KLHL42: variants seen among roughly 807,000 people sequenced by gnomAD.
KLHL42 encodes the protein kelch-like protein 42.
A neutral mutation model predicts 32.7 loss-of-function variants in KLHL42; 27 were observed. That is an observed-to-expected ratio of 0.83 (90% CI 0.61 to 1.14). The LOEUF is 1.14. KLHL42 is among the 50% of genes most tolerant of loss of function. The probability of loss-of-function intolerance (pLI) is 0.00; values close to 1 mark genes in which losing one functional copy is unlikely to be tolerated. For synonymous variants in KLHL42, 267 were observed against 248.2 expected (o/e 1.08, Z -0.71); for missense variants, 491 against 560.8 (o/e 0.88, Z 1.26).
chr12:27,796,936 C>T (rs2062221404), intron 2 of KLHL42, among the ~76,000 whole-genome samples: 1 of 152,054 alleles, frequency 6.6e-6, no homozygotes, highest in South Asian at 2.1e-4. Context: ...CCATGCTTGG[C>T]CGAAAATCAT....
intron 2 of KLHL42, among the ~76,000 whole-genome samples, chr12:27,793,793 C>T (rs773885972): frequency 7.9e-5 from 12 of 152,114 alleles, no homozygotes; most frequent in Non-Finnish European, 1.6e-4. Context: ...GTAGACCTGC[C>T]GTTTTATTTG....
At chr12:27,790,977 C>CT (rs1403878671) in intron 1 of KLHL42, among the ~76,000 whole-genome samples, 4 of 152,238 alleles carry the variant, frequency 2.6e-5, no homozygotes, top group African/African-American at 9.6e-5. Context: ...AGGAGACTCT[C>CT]TTGAGCCCAG....
Position 27,799,859 on chromosome 12 carries a change from A to T in KLHL42, c.*1693A>T, listed in dbSNP as rs1013543426. ...CACCAAATAATCTTACCTCTAGTCTACTTACAACTTTGTAAGGGTTTCTAA... is the reference window on the plus strand; with the variant it reads ...CACCAAATAATCTTACCTCTAGTCTTCTTACAACTTTGTAAGGGTTTCTAA... On this transcript the variant is annotated 3_prime_UTR_variant, in exon 3 of 3. Transcript: ENST00000381271. The T allele has an allele frequency of 2.7e-6, 1 of 375,790 alleles. No individual in the cohort carries two copies. The highest frequency in any genetic ancestry group is 3.7e-6 in the Non-Finnish European group (1 of 272,448). The allele number at this position is 375,790 out of a possible 1,614,324, so 23.3% of individuals were successfully genotyped here. A position where few individuals can be genotyped will look rare whatever the true frequency, so the allele number is the denominator to read the frequency against.
At chr12:27,784,113 T>G (rs2062160798) in intron 1 of KLHL42, among the ~76,000 whole-genome samples, 1 of 150,590 alleles carries the variant, frequency 6.6e-6, no homozygotes, top group African/African-American at 2.4e-5. Context: ...TAGGGCAAAG[T>G]GTATGTGTTT....
In KLHL42 at chr12:27,780,570, G is replaced by T; in HGVS notation, c.240G>T (p.Leu80=). 1 of 1,537,602 alleles carries T rather than the reference G, an allele frequency of 6.5e-7. No homozygotes were observed. Residue 80 remains leucine (L), a synonymous_variant, in exon 1 of 3, where the codon CTG becomes CTT. Coordinates refer to ENST00000381271, the MANE Select transcript of KLHL42 (RefSeq NM_020782.2). This position sits in a 1 kb window ranked among gnomAD's most constrained non-coding sequence, Gnocchi z 8.8. ...GCGGGGCCCGCGAAGGCTGGCTCCTGGGCCCGCGCGGGGAAAAGGGCGGCG... is the reference window on the plus strand; with the variant it reads ...GCGGGGCCCGCGAAGGCTGGCTCCTTGGCCCGCGCGGGGAAAAGGGCGGCG... ...NAGGAREGWL[L]GPRGEKGGGV... is the part of the protein sequence containing the mutation.
rs947565489 is a variant in KLHL42, at chr12:27,799,014, A to T, written c.*848A>T. 1 of 152,628 alleles carries T rather than the reference A, an allele frequency of 6.6e-6. No homozygotes were observed. The highest frequency in any genetic ancestry group is 2.4e-5 in the African/African-American group (1 of 41,438). 9.5% of individuals were successfully genotyped at this position (152,628 alleles called of 1,614,324 possible). On this transcript the variant is annotated 3_prime_UTR_variant, in exon 3 of 3. Transcript: ENST00000381271. The stretch of plus-strand genomic sequence containing the variant: ...AAATGGGAAGGGAAGAAAACACCAA[A>T]TAAGAAAAAAATTTGCCTTTAAGAG...
chr12:27,782,797 A>C (rs2062154626), intron 1 of KLHL42, among the ~76,000 whole-genome samples: 1 of 152,150 alleles, frequency 6.6e-6, no homozygotes, highest in African/African-American at 2.4e-5. Flanking sequence ...GTAATGCATG[A>C]ATGCATGATT....
chr12:27,798,337 G>T lies in KLHL42; in HGVS notation c.*171G>T. 1 of 537,264 alleles carries T rather than the reference G, an allele frequency of 1.9e-6. No homozygotes were observed. The highest frequency in any genetic ancestry group is 3.3e-6 in the Non-Finnish European group (1 of 305,292). 33.3% of individuals were successfully genotyped at this position (537,264 alleles called of 1,614,324 possible). A position where few individuals can be genotyped will look rare whatever the true frequency, so the allele number is the denominator to read the frequency against. ...TTGAACTAATTACTTGAAAACTGGT[G>T]GAAAAAAGAGACCAACTTTGTTATT... On this transcript the variant is annotated 3_prime_UTR_variant, in exon 3 of 3. Transcript: ENST00000381271.
intron 1 of KLHL42, among the ~76,000 whole-genome samples, chr12:27,789,506 T>A (rs975245471): frequency 6.6e-6 from 1 of 152,222 alleles, no homozygotes; most frequent in Non-Finnish European, 1.5e-5. Context: ...AACTGCCTAT[T>A]CATTGGTCTC....
In KLHL42 at chr12:27,801,185, A is replaced by G. The variant is rs529325695; in HGVS notation, c.*3019A>G. ...GTCTTAAGATTAGAATGAGAACCAA[A>G]GAGAATTTAACCCTGCCATTTTTTT... On this transcript the variant is annotated 3_prime_UTR_variant, in exon 3 of 3. Transcript: ENST00000381271. 2 of 151,048 alleles carry G rather than the reference A, an allele frequency of 1.3e-5. No homozygotes were observed. The highest frequency in any genetic ancestry group is 3.9e-4 in the East Asian group (2 of 5,144). The allele number at this position is 151,048 out of a possible 1,614,324, so 9.4% of individuals were successfully genotyped here.
intron 1 of KLHL42, among the ~76,000 whole-genome samples, chr12:27,782,983 C>T (rs2062155561): frequency 6.6e-6 from 1 of 152,000 alleles, no homozygotes; most frequent in Non-Finnish European, 1.5e-5. Flanking sequence ...ATACAGTTAA[C>T]CCTTAAACAA....
Position 27,780,494 on chromosome 12 carries a change from G to A in KLHL42, c.164G>A (p.Arg55His). Reference protein sequence around the residue: ...EAGGPEVQQLRGLSAPGLRLV... With the variant: ...EAGGPEVQQLHGLSAPGLRLV... ...GGCGGCCCGGAGGTGCAGCAGCTGC[G>A]CGGCCTCAGCGCGCCGGGCCTGCGG... The change falls in exon 1 of 3, where the codon CGC (arginine) becomes CAC (histidine). Residue 55 changes from arginine to histidine, a missense_variant. This residue lies in a region of KLHL42 where 88 missense variants were observed against 89.0 expected (regional missense o/e 0.99). Coordinates refer to ENST00000381271, the MANE Select transcript of KLHL42 (RefSeq NM_020782.2). This position sits in a 1 kb window ranked among gnomAD's most constrained non-coding sequence, Gnocchi z 8.8. 6.5e-7 allele frequency: 1 copy of A among 1,541,230 alleles called. No individual in the cohort carries two copies. The highest frequency in any genetic ancestry group is 2.5e-5 in the East Asian group (1 of 39,718).
At chr12:27,791,634 G>C (rs1591815759) in intron 1 of KLHL42, 74 bp from the exon 2 acceptor site, 4 of 1,269,238 alleles carry the variant, frequency 3.2e-6, no homozygotes, top group African/African-American at 1.5e-5. Context: ...GGAGAGTCTA[G>C]TAGTTCATGC....
At chr12:27,785,445 G>A (rs2062168004) in intron 1 of KLHL42, among the ~76,000 whole-genome samples, 1 of 152,074 alleles carries the variant, frequency 6.6e-6, no homozygotes, top group Non-Finnish European at 1.5e-5. Flanking sequence ...CTGGCCTCAG[G>A]TAATCCTCCC....
intron 1 of KLHL42, among the ~76,000 whole-genome samples, chr12:27,782,407 C>T (rs774344115): frequency 6.6e-6 from 1 of 152,150 alleles, no homozygotes; most frequent in Non-Finnish European, 1.5e-5. Flanking sequence ...TATTCCTACC[C>T]GCTCTTCCTA....
Position 27,799,929 on chromosome 12 carries a change from A to G in KLHL42, c.*1763A>G. The G allele has an allele frequency of 1.1e-6, 1 of 874,254 alleles. No individual in the cohort carries two copies. The allele number at this position is 874,254 out of a possible 1,614,324, so 54.2% of individuals were successfully genotyped here. A position where few individuals can be genotyped will look rare whatever the true frequency, so the allele number is the denominator to read the frequency against. On this transcript the variant is annotated 3_prime_UTR_variant, in exon 3 of 3. Coordinates refer to ENST00000381271, the MANE Select transcript of KLHL42 (RefSeq NM_020782.2). ...AAATATTAAGCCCTTAAAAAAATAA[A>G]ACCTCTGAACCAAAATCTTCCCAGG... is the stretch of plus-strand genomic sequence containing the variant.
At chr12:27,782,998 G>A (rs2062155630) in intron 1 of KLHL42, among the ~76,000 whole-genome samples, 1 of 151,956 alleles carries the variant, frequency 6.6e-6, no homozygotes, top group Admixed American at 6.6e-5. Flanking sequence ...AAACAATGTG[G>A]GGGCCAGGGA....
intron 1 of KLHL42, among the ~76,000 whole-genome samples, chr12:27,785,262 T>C (rs2062167227): frequency 6.6e-6 from 1 of 152,178 alleles, no homozygotes; most frequent in Admixed American, 6.5e-5. Context: ...TACAGTGGTG[T>C]GATCATAACT....
Position 27,797,955 on chromosome 12 carries a change from C to G in KLHL42, c.1307C>G (p.Ser436Cys). Residue 436 changes from serine to cysteine, a missense_variant, in exon 3 of 3, where the codon TCC becomes TGC. Around this residue, in one of 4 missense-constraint regions of KLHL42, gnomAD observed 152 missense variants for 125.9 expected, o/e 1.21. Transcript: ENST00000381271. ...RQWLYLKENT[S>C]KSGLNLTCAL... ...TGGCTCTACCTCAAGGAGAACACGT[C>G]CAAATCGGGTCTTAACTTGACTTGT... The G allele has an allele frequency of 2.6e-6, 2 of 781,054 alleles. No homozygotes were observed. The highest frequency in any genetic ancestry group is 4.8e-6 in the Non-Finnish European group (2 of 418,136). The allele number at this position is 781,054 out of a possible 1,614,324, so 48.4% of individuals were successfully genotyped here.
Sources: gnomAD v4.1 joint callset for allele counts (sites outside exome capture counted in the v4.1 genomes callset) on GRCh38, gnomAD v4.1.1 for gene constraint, gnomAD v4.1.1 regional missense constraint, Gnocchi (gnomAD v3.1) non-coding constraint, MANE v1.5 for transcripts, NCBI Gene and HGNC (gene_info 2026-07-23, HGNC 2026-07-21) for gene names.